CCDC88C: variants seen among roughly 807,000 people sequenced by gnomAD.
CCDC88C encodes the protein protein Daple.
Under a neutral mutation model 198.8 loss-of-function variants are expected in CCDC88C, and 131 were observed. The observed-to-expected ratio is 0.66, with a 90% CI of 0.57 to 0.76. The LOEUF (loss-of-function observed/expected upper bound fraction) is 0.76, where lower values mean the gene tolerates loss of function less well. CCDC88C is among the 30% of genes least tolerant of loss of function. CCDC88C has a pLI of 0.00. For missense variants in CCDC88C, 2,553 were observed against 2,631.6 expected (o/e 0.97, Z 0.65); for synonymous variants, 1,166 against 1,114.7 (o/e 1.05, Z -0.92).
At chr14:91,285,743 C>T (rs1404214077) in intron 25 of CCDC88C, 4 of 1,288,858 alleles carry the variant, frequency 3.1e-6, no homozygotes, top group African/African-American at 3.0e-5. Context: ...AGACCAGAAC[C>T]GCAGGCGTTT....
intron 28 of CCDC88C, 112 bp from the exon 29 acceptor site, chr14:91,278,323 C>T: frequency 9.2e-7 from 1 of 1,084,018 alleles, no homozygotes. Flanking sequence ...AATAAAATCC[C>T]TTGCCCGAAA....
intron 6 of CCDC88C, among the ~76,000 whole-genome samples, chr14:91,341,725 G>C (rs1173813268): frequency 6.6e-6 from 1 of 152,228 alleles, no homozygotes; most frequent in East Asian, 1.9e-4. Flanking sequence ...CGCCCCCTAG[G>C]GTGGGCGGCC....
intron 25 of CCDC88C, among the ~76,000 whole-genome samples, chr14:91,286,503 T>C (rs1440199467): frequency 6.6e-6 from 1 of 152,240 alleles, no homozygotes; most frequent in African/African-American, 2.4e-5. Context: ...CTCTAGTGTC[T>C]TAACAAAGCA....
intron 18 of CCDC88C, 61 bp from the exon 19 acceptor site, chr14:91,305,987 AGGT>A (rs1891539815): frequency 7.7e-6 from 12 of 1,563,068 alleles, no homozygotes; most frequent in Admixed American, 3.5e-5. Context: ...AACTGGCCAC[AGGT>A]ACTTGGGTTG....
At position 91,315,634 on chromosome 14, in the gene CCDC88C, T is replaced by C. The variant is rs1269221927; in HGVS notation, c.1665+16A>G. ...GCAGGGGTTCTAGGAGAGGCGTTAG[T>C]GGTGGAGGCACCTACCTGCCTGGCT... On this transcript the variant is annotated intron_variant, in intron 14 of 29. Coordinates refer to ENST00000389857, the MANE Select transcript of CCDC88C (RefSeq NM_001080414.4). 4.3e-6 allele frequency: 7 copies of C among 1,613,496 alleles called. No individual in the cohort carries two copies. Among genetic ancestry groups the C allele is most frequent in the Admixed American group, 3.3e-5 (2 of 59,982 alleles).
At position 91,339,558 on chromosome 14, in the gene CCDC88C, G is replaced by T. The variant is rs2139860975; in HGVS notation, c.625-96C>A. Reference sequence around the variant, plus strand: ...AGGGTGAAGAAACCGCCAAAAGACAGATATTTCAGCGGAGACTAAGAAACG... The same window carrying T: ...AGGGTGAAGAAACCGCCAAAAGACATATATTTCAGCGGAGACTAAGAAACG... On this transcript the variant is annotated intron_variant, in intron 7 of 29. Transcript: ENST00000389857. This position sits in a 1 kb window ranked among gnomAD's most constrained non-coding sequence, Gnocchi z 5.8. 8.2e-7 allele frequency: 1 copy of T among 1,218,250 alleles called. No homozygotes were observed. The highest frequency in any genetic ancestry group is 1.1e-6 in the Non-Finnish European group (1 of 878,990). The allele number at this position is 1,218,250 out of a possible 1,614,324, so 75.5% of individuals were successfully genotyped here.
At position 91,388,398 on chromosome 14, in the gene CCDC88C, T is replaced by C. The variant is rs531508811; in HGVS notation, c.270+20261A>G. ...CCTCGGCCCAGCTTCTCAACGTTCT[T>C]GACACTGATGCTACAGCCTCCAGGC... On this transcript the variant is annotated intron_variant, in intron 3 of 29. Transcript: ENST00000389857. Among the ~76,000 whole-genome samples the C allele has an allele frequency of 1.5e-4, 23 of 152,286 alleles. No homozygotes were observed. In the South Asian group the frequency reaches 4.6e-3, roughly 30 times the overall value.
At chr14:91,395,756 G>T (rs1184292939) in intron 3 of CCDC88C, among the ~76,000 whole-genome samples, 1 of 152,024 alleles carries the variant, frequency 6.6e-6, no homozygotes, top group African/African-American at 2.4e-5. Context: ...CCCTAGAGCT[G>T]CAGTGTGCCC....
In CCDC88C at chr14:91,288,323, T is replaced by C. The variant is rs1361573891; in HGVS notation, c.4441+782A>G. Among the ~76,000 whole-genome samples, 1 of 152,222 alleles carries C rather than the reference T, an allele frequency of 6.6e-6. No homozygotes were observed. Among genetic ancestry groups the C allele is most frequent in the Non-Finnish European group, 1.5e-5 (1 of 68,028 alleles). On this transcript the variant is annotated intron_variant, in intron 25 of 29. Coordinates refer to ENST00000389857, the MANE Select transcript of CCDC88C (RefSeq NM_001080414.4). This position sits in a 1 kb window ranked among gnomAD's most constrained non-coding sequence, Gnocchi z 4.2. Reference sequence around the variant, plus strand: ...CTTAGGGAAAAGGCACAGTGTGTCCTGTGGCTGGTGGGACACAAGGCCAGA... The same window carrying C: ...CTTAGGGAAAAGGCACAGTGTGTCCCGTGGCTGGTGGGACACAAGGCCAGA...
intron 23 of CCDC88C, among the ~76,000 whole-genome samples, chr14:91,291,580 G>A (rs1890661854): frequency 6.6e-6 from 1 of 152,126 alleles, no homozygotes; most frequent in Non-Finnish European, 1.5e-5. Flanking sequence ...AAGCTTTCAG[G>A]GGCCAGAAAG....
chr14:91,384,258 G>A (rs944586168), intron 3 of CCDC88C: 22 of 358,006 alleles, frequency 6.1e-5, no homozygotes, highest in African/African-American at 3.8e-4. Context: ...TCAACATAGC[G>A]AGACCCCCAT....
At position 91,272,954 on chromosome 14, in the gene CCDC88C, T is replaced by TGCCAGCAGCAGCAGC; in HGVS notation, c.5743_5757dup (p.Ala1915_Gly1919dup). 1 of 1,559,752 alleles carries TGCCAGCAGCAGCAGC rather than the reference T, an allele frequency of 6.4e-7. No individual in the cohort carries two copies. The highest frequency in any genetic ancestry group is 1.2e-5 in the South Asian group (1 of 85,896). Reference sequence around the variant, plus strand: ...TGCAGGAGCTGGGAGTTGCTGCCACTGCCAGCAGCAGCAGCACCAGCACCT... The same window carrying TGCCAGCAGCAGCAGC: ...TGCAGGAGCTGGGAGTTGCTGCCACTGCCAGCAGCAGCAGCGCCAGCAGCAGCAGCACCAGCACCT... On this transcript the variant is annotated inframe_insertion, in exon 30 of 30. Coordinates refer to ENST00000389857, the MANE Select transcript of CCDC88C (RefSeq NM_001080414.4).
intron 25 of CCDC88C, chr14:91,283,733 G>A: frequency 5.1e-6 from 3 of 585,634 alleles, no homozygotes; most frequent in Non-Finnish European, 3.0e-6. Flanking sequence ...GCCCCATGAG[G>A]ATGGCTCTGG....
intron 2 of CCDC88C, among the ~76,000 whole-genome samples, chr14:91,408,986 C>T (rs541970988): frequency 6.6e-5 from 10 of 152,262 alleles, no homozygotes; most frequent in Admixed American, 2.0e-4. Context: ...GCACCTGGCC[C>T]ACCGCAGGCC....
At chr14:91,356,476 C>G (rs1894044382) in intron 4 of CCDC88C, among the ~76,000 whole-genome samples, 1 of 152,192 alleles carries the variant, frequency 6.6e-6, no homozygotes, top group South Asian at 2.1e-4. Flanking sequence ...ACCTTCAGAG[C>G]TGGGACCAGC....
At chr14:91,409,264 C>T (rs1228114539) in intron 2 of CCDC88C, among the ~76,000 whole-genome samples, 1 of 151,418 alleles carries the variant, frequency 6.6e-6, no homozygotes, top group Non-Finnish European at 1.5e-5. Flanking sequence ...TCACAGATCA[C>T]TACAGCCTCG....
chr14:91,304,001 C>A, intron 19 of CCDC88C, 23 bp from the exon 20 acceptor site: 9 of 1,589,838 alleles, frequency 5.7e-6, no homozygotes, highest in Non-Finnish European at 7.7e-6. Flanking sequence ...AGAAGCGCGG[C>A]GTGGCGCAGG....
At chr14:91,304,882 T>C (rs1458890195) in intron 19 of CCDC88C, among the ~76,000 whole-genome samples, 2 of 152,234 alleles carry the variant, frequency 1.3e-5, no homozygotes, top group African/African-American at 2.4e-5. Flanking sequence ...TCCGATTTCT[T>C]TGCCAAACAG....
Position 91,313,268 on chromosome 14 carries a change from G to GCTC in CCDC88C, c.2545_2547dup (p.Glu849dup). 6.2e-7 allele frequency: 1 copy of GCTC among 1,613,962 alleles called. No homozygotes were observed. The highest frequency in any genetic ancestry group is 8.5e-7 in the Non-Finnish European group (1 of 1,179,890). On this transcript the variant is annotated inframe_insertion, in exon 15 of 30. Transcript: ENST00000389857. The surrounding 1 kb of genome is among the most constrained non-coding windows in gnomAD (Gnocchi z 5.2). Reference sequence around the variant, plus strand: ...CTATCGTCCAAGACTGCATCCTTGAGCTCCACCTGCTGCCACAGCCGCTTG... The same window carrying GCTC: ...CTATCGTCCAAGACTGCATCCTTGAGCTCCTCCACCTGCTGCCACAGCCGCTTG...
Sources: gnomAD v4.1 joint callset for allele counts (sites outside exome capture counted in the v4.1 genomes callset) on GRCh38, gnomAD v4.1.1 for gene constraint, Gnocchi (gnomAD v3.1) non-coding constraint, MANE v1.5 for transcripts, NCBI Gene and HGNC (gene_info 2026-07-23, HGNC 2026-07-21) for gene names.